The following SLC35A1 variants were observed in gnomAD, a reference collection of about 807,000 sequenced individuals.
SLC35A1 encodes CMP-sialic acid transporter.
A neutral mutation model predicts 40.3 loss-of-function variants in SLC35A1; 21 were observed. That is an observed-to-expected ratio of 0.52 (90% CI 0.37 to 0.75). The LOEUF is 0.75. Among genes scored for constraint, SLC35A1 ranks in the 30% least tolerant of loss-of-function variants. The pLI, the probability that SLC35A1 is intolerant of heterozygous loss-of-function variation, is 0.00. For synonymous variants in SLC35A1, 146 were observed against 147.3 expected (o/e 0.99, Z 0.06); for missense variants, 297 against 382.1 (o/e 0.78, Z 1.86).
intron 1 of SLC35A1, 127 bp downstream of exon 1, chr6:87,473,146 G>A (rs1387429661): frequency 7.5e-6 from 3 of 400,176 alleles, no homozygotes; most frequent in Non-Finnish European, 1.3e-5. Flanking sequence ...GCCTGGCTGA[G>A]GCGTCAGGAG....
chr6:87,494,978 T>C (rs1420838753), intron 2 of SLC35A1, among the ~76,000 whole-genome samples: 1 of 146,780 alleles, frequency 6.8e-6, no homozygotes, highest in South Asian at 2.1e-4. Context: ...AAAGTCAACT[T>C]TTTTTTTTTG....
rs1769110282 is a variant in SLC35A1, at chr6:87,477,513, A to T, written c.168A>T (p.Leu56Phe). ...TAVCITEVIKLLLSVGILAKE... is the reference protein window; with the variant it reads ...TAVCITEVIKFLLSVGILAKE... ...TGTGTATCACAGAAGTTATAAAGTT[A>T]TTGCTAAGTGTGGGAATTTTAGCTA... Residue 56 changes from leucine (L) to phenylalanine (F), a missense_variant, in exon 2 of 8, where the codon TTA becomes TTT. By Grantham distance (22) the Leu-to-Phe change is conservative (BLOSUM62 0). Coordinates refer to ENST00000369552, the MANE Select transcript of SLC35A1 (RefSeq NM_006416.5). 2 of 1,614,026 alleles carry T rather than the reference A, an allele frequency of 1.2e-6. No homozygotes were observed. The highest frequency in any genetic ancestry group is 2.2e-5 in the East Asian group (1 of 44,872).
chr6:87,490,370 G>A (rs1171863479), intron 2 of SLC35A1, among the ~76,000 whole-genome samples: 1 of 128,504 alleles, frequency 7.8e-6, no homozygotes, highest in Non-Finnish European at 1.6e-5. Context: ...GTTTTGCTCT[G>A]TTACCCAGGC....
chr6:87,497,656 A>C (rs1226547692), intron 2 of SLC35A1, among the ~76,000 whole-genome samples: 1 of 152,188 alleles, frequency 6.6e-6, no homozygotes. Flanking sequence ...CTGACAGGAC[A>C]AAGAGAATCA....
chr6:87,479,263 A>G (rs897929223), intron 2 of SLC35A1, among the ~76,000 whole-genome samples: 3 of 152,036 alleles, frequency 2.0e-5, no homozygotes, highest in Non-Finnish European at 2.9e-5. Flanking sequence ...GTTCTGCTCA[A>G]TTTTCCGAAA....
At chr6:87,499,649 G>A (rs1210564484) in intron 2 of SLC35A1, among the ~76,000 whole-genome samples, 1 of 152,070 alleles carries the variant, frequency 6.6e-6, no homozygotes, top group Non-Finnish European at 1.5e-5. Flanking sequence ...ATCTGCTACA[G>A]AATTATACAG....
intron 4 of SLC35A1, among the ~76,000 whole-genome samples, chr6:87,503,641 G>C (rs1013695083): frequency 4.6e-4 from 70 of 152,256 alleles, no homozygotes; most frequent in Non-Finnish European, 4.9e-4. Context: ...GAACCTGGGA[G>C]GCAGAGGTTG....
chr6:87,497,553 AAG>A (rs1222095001), intron 2 of SLC35A1, among the ~76,000 whole-genome samples: 1 of 147,126 alleles, frequency 6.8e-6, no homozygotes, highest in Non-Finnish European at 1.5e-5. Flanking sequence ...TAAGAAAGAA[AAG>A]AGTGGGGAGA....
At chr6:87,485,087 C>A (rs1769356240) in intron 2 of SLC35A1, among the ~76,000 whole-genome samples, 1 of 152,192 alleles carries the variant, frequency 6.6e-6, no homozygotes, top group South Asian at 2.1e-4. Context: ...GAAAGGCAAA[C>A]AGGATGTTAT....
intron 6 of SLC35A1, 163 bp downstream of exon 6, chr6:87,508,759 G>A: frequency 1.3e-6 from 1 of 792,646 alleles, no homozygotes; most frequent in Non-Finnish European, 2.0e-6. Flanking sequence ...GATTGTGAAG[G>A]CAAAATTGCT....
chr6:87,510,162 T>C (rs1374129141), intron 7 of SLC35A1, among the ~76,000 whole-genome samples: 1 of 152,220 alleles, frequency 6.6e-6, no homozygotes, highest in Non-Finnish European at 1.5e-5. Context: ...AGTGGTGTTT[T>C]CAGGTGAAGT....
At chr6:87,473,756 T>C (rs1400026247) in intron 1 of SLC35A1, among the ~76,000 whole-genome samples, 1 of 152,210 alleles carries the variant, frequency 6.6e-6, no homozygotes, top group Non-Finnish European at 1.5e-5. Flanking sequence ...TGCTGAGCAG[T>C]GTGTGTAAGT....
chr6:87,509,078 G>C lies in SLC35A1; in HGVS notation c.789G>C (p.Val263=). 1 of 1,613,940 alleles carries C rather than the reference G, an allele frequency of 6.2e-7. No homozygotes were observed. Among genetic ancestry groups the C allele is most frequent in the Non-Finnish European group, 8.5e-7 (1 of 1,179,846 alleles). ...ASVGGLYTSV[V]VKYTDNIMKG... is the part of the protein sequence containing the mutation. The stretch of plus-strand genomic sequence containing the variant: ...TTGGTGGCCTCTACACTTCTGTTGT[G>C]GTTAAGTACACAGACAACATCATGA... The change falls in exon 7 of 8, where the codon GTG becomes GTC. Residue 263 remains valine, a synonymous_variant. Transcript: ENST00000369552.
At chr6:87,482,119 G>A (rs112068581) in intron 2 of SLC35A1, among the ~76,000 whole-genome samples, 1,577 of 151,948 alleles carry the variant, frequency 0.01, 15 homozygotes, top group Middle Eastern at 0.017. Flanking sequence ...CATGACTTTC[G>A]CAATCTTCGA....
intron 2 of SLC35A1, among the ~76,000 whole-genome samples, chr6:87,496,785 A>AC (rs1562023406): frequency 7.1e-6 from 1 of 141,618 alleles, no homozygotes; most frequent in Admixed American, 7.5e-5. Context: ...ATCTCAAAAA[A>AC]AAAAAAAAAG....
intron 2 of SLC35A1, among the ~76,000 whole-genome samples, chr6:87,484,068 T>A (rs1769324754): frequency 6.6e-6 from 1 of 152,186 alleles, no homozygotes; most frequent in Non-Finnish European, 1.5e-5. Context: ...CTTTACTGGC[T>A]CCCGTGGTTT....
At chr6:87,494,366 G>A (rs1170420221) in intron 2 of SLC35A1, among the ~76,000 whole-genome samples, 1 of 151,726 alleles carries the variant, frequency 6.6e-6, no homozygotes, top group African/African-American at 2.4e-5. Context: ...CAGATTAGCA[G>A]TTGGATATTG....
rs1405305556 is a variant in SLC35A1, at chr6:87,512,335, A to T, written c.*809A>T. 6.6e-6 allele frequency: 1 copy of T among 152,658 alleles called. No homozygotes were observed. The highest frequency in any genetic ancestry group is 1.5e-5 in the Non-Finnish European group (1 of 68,050). 9.5% of individuals were successfully genotyped at this position (152,658 alleles called of 1,614,324 possible). A position where few individuals can be genotyped will look rare whatever the true frequency, so the allele number is the denominator to read the frequency against. On this transcript the variant is annotated 3_prime_UTR_variant, in exon 8 of 8. Coordinates refer to ENST00000369552, the MANE Select transcript of SLC35A1 (RefSeq NM_006416.5). ...TCAGCAATAAACTTTATTTGTAAGAAAGAATTGTTTAATCACTTTATATTA... is the reference window on the plus strand; with the variant it reads ...TCAGCAATAAACTTTATTTGTAAGATAGAATTGTTTAATCACTTTATATTA...
intron 5 of SLC35A1, among the ~76,000 whole-genome samples, chr6:87,507,806 A>G (rs1770133666): frequency 8.7e-6 from 1 of 114,668 alleles, no homozygotes; most frequent in African/African-American, 2.6e-5. Flanking sequence ...TGGACCTTCA[A>G]CTCCAGAAAA....
Sources: gnomAD v4.1 joint callset for allele counts (sites outside exome capture counted in the v4.1 genomes callset) on GRCh38, gnomAD v4.1.1 for gene constraint, MANE v1.5 for transcripts, NCBI Gene and HGNC (gene_info 2026-07-23, HGNC 2026-07-21) for gene names.